TTN: variants seen among roughly 807,000 people sequenced by gnomAD.
TTN encodes the protein titin.
In TTN, 1,525 loss-of-function variants were observed where a neutral mutation model predicts 3,223.0. The ratio of observed to expected loss-of-function variants is 0.47; its 90% CI spans 0.45 to 0.49. The LOEUF is 0.49. TTN is among the 20% of genes least tolerant of loss of function. TTN has a pLI of 0.00. For missense variants in TTN, 40,786 were observed against 43,424.0 expected, an observed-to-expected ratio of 0.94 and a Z score of 5.40; for synonymous variants, 14,094 against 15,161.0, an observed-to-expected ratio of 0.93 and a Z score of 5.17.
Position 178,575,570 on chromosome 2 carries a change from G to C in TTN, c.70562C>G (p.Thr23521Arg), listed in dbSNP as rs775589244. The C allele has an allele frequency of 1.7e-5, 28 of 1,613,488 alleles. No homozygotes were observed. The highest frequency in any genetic ancestry group is 1.6e-4 in the Middle Eastern group (1 of 6,076). The change falls in exon 326 of 363, where the codon ACA (threonine) becomes AGA (arginine). Residue 23521 changes from threonine to arginine, a missense_variant. Coordinates refer to ENST00000589042, the MANE Select transcript of TTN (RefSeq NM_001267550.2). This position sits in a 1 kb window ranked among gnomAD's most constrained non-coding sequence, Gnocchi z 4.0. ...GGCTTTTACGGGCTCTGTAGTTTCT[G>C]TTGGCTCACCAATTCCATATTCATT... ...AENEYGIGEP[T>R]ETTEPVKASE...
intron 147 of TTN, among the ~76,000 whole-genome samples, chr2:178,676,836 T>C (rs1238938405): frequency 1.3e-5 from 2 of 151,806 alleles, no homozygotes; most frequent in African/African-American, 2.4e-5. Flanking sequence ...TTAATATAAA[T>C]GGTTGAAGGA....
Position 178,756,765 on chromosome 2 carries a change from C to T in TTN, c.10711G>A (p.Asp3571Asn). Residue 3571 changes from aspartate to asparagine, a missense_variant, in exon 46 of 363, where the codon GAT becomes AAT. Physicochemically the swap from Asp to Asn is conservative, Grantham distance 23. Transcript: ENST00000589042. ...QALDRQSSGK[D>N]VRESTKSQAV... The stretch of plus-strand genomic sequence containing the variant: ...TGGGACTTGGTGGACTCTCTTACAT[C>T]TTTCCCAGAACTTTGCCTATCTAGG... 6.2e-7 allele frequency: 1 copy of T among 1,613,770 alleles called. No homozygotes were observed. The highest frequency in any genetic ancestry group is 8.5e-7 in the Non-Finnish European group (1 of 1,179,778).
In TTN at chr2:178,768,703, C is replaced by A; in HGVS notation, c.9133G>T (p.Ala3045Ser). 6.2e-7 allele frequency: 1 copy of A among 1,613,896 alleles called. No individual in the cohort carries two copies. The highest frequency in any genetic ancestry group is 8.5e-7 in the Non-Finnish European group (1 of 1,179,974). ...ACATAAAGTGTGGCTGTTGATGTTG[C>A]TTTTCCAGCCACAAAGGTGTAGTCA... is the stretch of plus-strand genomic sequence containing the variant. ...AADYTFVAGK[A>S]TSTATLYVEA... The change falls in exon 38 of 363, where the codon GCA becomes TCA. Residue 3045 changes from alanine (A) to serine (S), a missense_variant. Physicochemically the swap from Ala to Ser is moderately conservative, Grantham distance 99. Transcript: ENST00000589042.
Position 178,589,586 on chromosome 2 carries a change from A to G in TTN, c.62139T>C (p.Asp20713=). ...TTCCTTTATGCACTCTTTCCCAGTC[A>G]TCGGAGCCCTTAAGCCTTCTCTCAA... ...YHVERRLKGS[D]DWERVHKGSI... The change falls in exon 304 of 363, where the codon GAT becomes GAC. Residue 20713 remains aspartate, a synonymous_variant. Transcript: ENST00000589042. 1.2e-6 allele frequency: 2 copies of G among 1,613,378 alleles called. No homozygotes were observed. Among genetic ancestry groups the G allele is most frequent in the Non-Finnish European group, 1.7e-6 (2 of 1,179,566 alleles).
rs2154263213 is a variant in TTN at position 178,669,372 on chromosome 2, C to T, written c.35545+1G>A. The T allele has an allele frequency of 6.6e-7, 1 of 1,519,990 alleles. No individual in the cohort carries two copies. The highest frequency in any genetic ancestry group is 2.4e-5 in the East Asian group (1 of 41,240). 94.2% of individuals were successfully genotyped at this position (1,519,990 alleles called of 1,614,324 possible). ...AGAACCACTAATTTTTCTACACTCA[C>T]TGTACATCTCTGTGTCTTCAGAAAT... On this transcript the variant is annotated splice_donor_variant, in intron 159 of 362. Coordinates refer to ENST00000589042, the MANE Select transcript of TTN (RefSeq NM_001267550.2). LOFTEE classifies it high-confidence loss of function.
At chr2:178,749,417 G>A in intron 47 of TTN, 1 of 1,613,024 alleles carries the variant, frequency 6.2e-7, no homozygotes. Context: ...TTCTCTAGAA[G>A]GTATGCAACG....
At chr2:178,650,453 G>T (rs537173809) in intron 209 of TTN, among the ~76,000 whole-genome samples, 182 bp from the exon 210 acceptor site, 1 of 152,128 alleles carries the variant, frequency 6.6e-6, no homozygotes, top group African/African-American at 2.4e-5. Context: ...TGATTCAAAT[G>T]CTTGCAAAGC....
chr2:178,577,819 A>G lies in TTN; in HGVS notation c.68607T>C (p.Gly22869=), dbSNP rs772421669. The G allele has an allele frequency of 1.4e-5, 23 of 1,611,778 alleles. No homozygotes were observed. The highest frequency in any genetic ancestry group is 1.7e-4 in the Middle Eastern group (1 of 6,042). ...TLIWTEPKYD[G]GHKLTGYIVE... ...CTATATATCCAGTTAACTTATGACCACCGTCATATTTAGGTTCAGTCCAAA... is the reference window on the plus strand; with the variant it reads ...CTATATATCCAGTTAACTTATGACCGCCGTCATATTTAGGTTCAGTCCAAA... The change falls in exon 323 of 363, where the codon GGT becomes GGC. Residue 22869 remains glycine (G), a synonymous_variant. Transcript: ENST00000589042.
chr2:178,746,210 G>A, intron 47 of TTN: 1 of 1,612,998 alleles, frequency 6.2e-7, no homozygotes, highest in Non-Finnish European at 8.5e-7. Context: ...TTTGAATACA[G>A]CATCTGAATT....
At position 178,534,081 on chromosome 2, in the gene TTN, C is replaced by T; in HGVS notation, c.102534G>A (p.Glu34178=). 1.9e-6 allele frequency: 3 copies of T among 1,613,944 alleles called. No homozygotes were observed. Among genetic ancestry groups the T allele is most frequent in the Non-Finnish European group, 2.5e-6 (3 of 1,179,842 alleles). The change falls in exon 358 of 363, where the codon GAG becomes GAA. Residue 34178 remains glutamate, a synonymous_variant. Coordinates refer to ENST00000589042, the MANE Select transcript of TTN (RefSeq NM_001267550.2). ...VTWYFGVRQL[E]NSEKYEITYE... ...AGGTGATTTCGTATTTCTCACTGTT[C>T]TCCAGCTGTCGGACGCCAAAGTACC...
rs571524382 is a variant in TTN at position 178,622,735 on chromosome 2, C to G, written c.44848G>C (p.Asp14950His). 2 of 1,605,012 alleles carry G rather than the reference C, an allele frequency of 1.2e-6. No homozygotes were observed. The highest frequency in any genetic ancestry group is 2.7e-5 in the African/African-American group (2 of 74,558). Reference sequence around the variant, plus strand: ...ATTTCTTTTTCTCTAACTTGAAGGTCGGTGAGTGGTCTTAAGAATTCCACA... The same window carrying G: ...ATTTCTTTTTCTCTAACTTGAAGGTGGGTGAGTGGTCTTAAGAATTCCACA... ...PHVEFLRPLT[D>H]LQVREKEMAR... Residue 14950 changes from aspartate to histidine, a missense_variant, in exon 243 of 363, where the codon GAC (aspartate) becomes CAC (histidine). Physicochemically the swap from Asp to His is moderately conservative, Grantham distance 81. Transcript: ENST00000589042.
chr2:178,548,542 C>A lies in TTN; in HGVS notation c.93084G>T (p.Val31028=), dbSNP rs769412570. Reference sequence around the variant, plus strand: ...ACATCAATGTAGCAGATCCCCGGGTCACATCTTTGAAGGTAATTGGGCCAG... The same window carrying A: ...ACATCAATGTAGCAGATCCCCGGGTAACATCTTTGAAGGTAATTGGGCCAG... ...GPPGPITFKD[V]TRGSATLMWD... The change falls in exon 339 of 363, where the codon GTG becomes GTT. Residue 31028 remains valine, a synonymous_variant. Transcript: ENST00000589042. This position sits in a 1 kb window ranked among gnomAD's most constrained non-coding sequence, Gnocchi z 4.3. 2 of 1,613,860 alleles carry A rather than the reference C, an allele frequency of 1.2e-6. No individual in the cohort carries two copies. Among genetic ancestry groups the A allele is most frequent in the Non-Finnish European group, 1.7e-6 (2 of 1,179,804 alleles).
At position 178,722,650 on chromosome 2, in the gene TTN, T is replaced by C. The variant is rs1224708739; in HGVS notation, c.22240+9A>G. 1 of 1,595,204 alleles carries C rather than the reference T, an allele frequency of 6.3e-7. No individual in the cohort carries two copies. Among genetic ancestry groups the C allele is most frequent in the Non-Finnish European group, 8.5e-7 (1 of 1,172,080 alleles). ...AAAAGAATTTTTTTAATTTGTAAAA[T>C]ATCATCACCTTGAATTCTGAACACA... On this transcript the variant is annotated intron_variant, in intron 76 of 362. Transcript: ENST00000589042.
In TTN at chr2:178,595,693, T is replaced by G; in HGVS notation, c.57661A>C (p.Ile19221Leu). The change falls in exon 295 of 363, where the codon ATT (isoleucine) becomes CTT (leucine). Residue 19221 changes from isoleucine (I) to leucine (L), a missense_variant. Physicochemically the swap from Ile to Leu is conservative, Grantham distance 5. Coordinates refer to ENST00000589042, the MANE Select transcript of TTN (RefSeq NM_001267550.2). ...DGGSPITNYVIEKRESDRRAW... is the reference protein window; with the variant it reads ...DGGSPITNYVLEKRESDRRAW... ...CTGCGGTCAGATTCACGCTTTTCAA[T>G]GACATAATTGGTGATTGGAGAGCCT... 5 of 1,608,914 alleles carry G rather than the reference T, an allele frequency of 3.1e-6. No individual in the cohort carries two copies. Among genetic ancestry groups the G allele is most frequent in the Non-Finnish European group, 4.2e-6 (5 of 1,177,682 alleles).
Position 178,735,977 on chromosome 2 carries a change from C to A in TTN, c.14469G>T (p.Val4823=), listed in dbSNP as rs1304388196. ...CATCTTTCTGCCAAATGGTTTCTATCACAGGAGTCCCTGTCACTGTGCAGA... is the reference window on the plus strand; with the variant it reads ...CATCTTTCTGCCAAATGGTTTCTATAACAGGAGTCCCTGTCACTGTGCAGA... ...KFICTVTGTP[V]IETIWQKDGA... Residue 4823 remains valine, a synonymous_variant, in exon 50 of 363, where the codon GTG becomes GTT. Transcript: ENST00000589042. 3 of 1,613,818 alleles carry A rather than the reference C, an allele frequency of 1.9e-6. No individual in the cohort carries two copies. In the Admixed American group the frequency reaches 5.0e-5, roughly 27 times the overall value.
chr2:178,722,219 G>A, intron 77 of TTN, 40 bp downstream of exon 77: 1 of 1,531,652 alleles, frequency 6.5e-7, no homozygotes, highest in Non-Finnish European at 8.7e-7. Context: ...GAAATATGAA[G>A]CCACAGTTTG....
rs774009278 is a variant in TTN at position 178,606,974 on chromosome 2, A to G, written c.53581+47T>C. 19 of 1,567,990 alleles carry G rather than the reference A, an allele frequency of 1.2e-5. No homozygotes were observed. In the Middle Eastern group the frequency reaches 5.2e-4, roughly 43 times the overall value. ...ATAAAGCTCAGTAAATAATATAACT[A>G]GAAGCAAAACATTACTCTATAAACA... On this transcript the variant is annotated intron_variant, in intron 278 of 362. Coordinates refer to ENST00000589042, the MANE Select transcript of TTN (RefSeq NM_001267550.2).
rs1252508608 is a variant in TTN, at chr2:178,577,225, A to G, written c.69110T>C (p.Val23037Ala). ...GTKVEHVKVT[V>A]LDVPGPPGPV... is the part of the protein sequence containing the mutation. ...ACCTGGGGGACCAGGTACATCAAGGACTGTTACCTTCACATGTTCCACCTT... is the reference window on the plus strand; with the variant it reads ...ACCTGGGGGACCAGGTACATCAAGGGCTGTTACCTTCACATGTTCCACCTT... The change falls in exon 324 of 363, where the codon GTC (valine) becomes GCC (alanine). Residue 23037 changes from valine (V) to alanine (A), a missense_variant. Coordinates refer to ENST00000589042, the MANE Select transcript of TTN (RefSeq NM_001267550.2). The G allele has an allele frequency of 1.9e-6, 3 of 1,612,788 alleles. No individual in the cohort carries two copies. Among genetic ancestry groups the G allele is most frequent in the Non-Finnish European group, 1.7e-6 (2 of 1,179,486 alleles).
At position 178,632,255 on chromosome 2, in the gene TTN, C is replaced by T. The variant is rs761539202; in HGVS notation, c.43639G>A (p.Glu14547Lys). The T allele has an allele frequency of 1.3e-5, 21 of 1,608,772 alleles. No homozygotes were observed. The highest frequency in any genetic ancestry group is 1.4e-5 in the Non-Finnish European group (17 of 1,177,484). The change falls in exon 236 of 363, where the codon GAA becomes AAA. Residue 14547 changes from glutamate (E) to lysine (K), a missense_variant. By Grantham distance (56) the Glu-to-Lys change is moderately conservative (BLOSUM62 1). Coordinates refer to ENST00000589042, the MANE Select transcript of TTN (RefSeq NM_001267550.2). ...AATGTGATCGAATGAGTTTTCCCTT[C>T]GTCTTGCATTGAGACCGACCTGGTG... is the stretch of plus-strand genomic sequence containing the variant. ...HTTRSVSMQD[E>K]GKTHSITFKD...
Sources: allele counts gnomAD v4.1 joint callset (sites outside exome capture counted in the v4.1 genomes callset), GRCh38; gene constraint gnomAD v4.1.1; non-coding constraint Gnocchi (gnomAD v3.1); transcripts MANE v1.5; gene names NCBI Gene and HGNC (gene_info 2026-07-23, HGNC 2026-07-21).